Variants in DDHD2 observed in about 807,000 individuals in gnomAD.
The protein encoded by DDHD2 is DDHD domain containing 2.
A neutral mutation model predicts 91.2 loss-of-function variants in DDHD2; 62 were observed. The ratio of observed to expected loss-of-function variants is 0.68; its 90% CI spans 0.55 to 0.84. The LOEUF (loss-of-function observed/expected upper bound fraction) is 0.84. Among genes scored for constraint, DDHD2 ranks in the 40% least tolerant of loss-of-function variants. The probability of loss-of-function intolerance (pLI) is 0.00; values close to 1 mark genes in which losing one functional copy is unlikely to be tolerated. For missense variants in DDHD2, 740 were observed against 846.9 expected (o/e 0.87, Z 1.57); for synonymous variants, 271 against 293.9 (o/e 0.92, Z 0.80).
intron 10 of DDHD2, 141 bp from the exon 11 acceptor site, chr8:38,249,567 C>CT (rs1391412985): frequency 6.5e-5 from 27 of 414,018 alleles, no homozygotes; most frequent in East Asian, 1.1e-4. Flanking sequence ...AAAACAGGTC[C>CT]TTTTTTCTGG....
chr8:38,245,615 T>G, intron 7 of DDHD2, 127 bp from the exon 8 acceptor site: 1 of 840,500 alleles, frequency 1.2e-6, no homozygotes, highest in Non-Finnish European at 1.9e-6. Context: ...TCCTTTGTCC[T>G]CTTTTTGTTT....
chr8:38,267,530 C>A, downstream of DDHD2: 5 of 972,942 alleles, frequency 5.1e-6, no homozygotes, highest in Non-Finnish European at 7.4e-6. Flanking sequence ...TTAGTATAGT[C>A]ACCACACTAA....
intron 1 of DDHD2, chr8:38,268,780 G>C (rs1477806156): frequency 6.9e-7 from 1 of 1,441,338 alleles, no homozygotes; most frequent in East Asian, 2.6e-5. Context: ...AGCGGAGTGG[G>C]CAGTGGGTCC....
Position 38,247,829 on chromosome 8 carries a change from A to G in DDHD2, c.1242A>G (p.Glu414=). ...DIFEKEKVDK[E]ALALCTDRDL... ...TTGAGAAGGAGAAAGTAGATAAGGA[A>G]GCTCTGGTAAAAATAATCTTTTAAA... Residue 414 remains glutamate, a synonymous_variant, in exon 10 of 18, where the codon GAA becomes GAG. Coordinates refer to ENST00000397166, the MANE Select transcript of DDHD2 (RefSeq NM_015214.3). 3 of 1,559,668 alleles carry G rather than the reference A, an allele frequency of 1.9e-6. No individual in the cohort carries two copies. The highest frequency in any genetic ancestry group is 2.6e-6 in the Non-Finnish European group (3 of 1,161,282).
Position 38,233,789 on chromosome 8 carries a change from C to T in DDHD2, c.220+575C>T, listed in dbSNP as rs545505907. Among the ~76,000 whole-genome samples the T allele has an allele frequency of 2.0e-5, 3 of 151,780 alleles. No individual in the cohort carries two copies. In the East Asian group the frequency reaches 5.8e-4, roughly 29 times the overall value. On this transcript the variant is annotated intron_variant, in intron 2 of 17. Transcript: ENST00000397166. The stretch of plus-strand genomic sequence containing the variant: ...ACTAAAAATACAAAAATTAGCTGGG[C>T]GGCGGGGTTTGTGCCTGTAGTCTCA...
downstream of DDHD2, chr8:38,271,756 T>C (rs1433068559): frequency 6.6e-6 from 1 of 152,238 alleles, no homozygotes; most frequent in Non-Finnish European, 1.5e-5. Flanking sequence ...AACTTTCCAA[T>C]GTCCTTTTTC....
chr8:38,237,367 CAAACA>C (rs886263636), intron 3 of DDHD2, among the ~76,000 whole-genome samples, 166 bp from the exon 4 acceptor site: 2 of 151,838 alleles, frequency 1.3e-5, no homozygotes, highest in African/African-American at 4.8e-5. Flanking sequence ...CAGAGTAAGA[CAAACA>C]AAACAAAACA....
chr8:38,234,691 G>A, intron 3 of DDHD2, 107 bp downstream of exon 3: 1 of 862,944 alleles, frequency 1.2e-6, no homozygotes, highest in South Asian at 1.9e-5. Flanking sequence ...CTTTGGTTCT[G>A]TCTGCATCAC....
chr8:38,249,657 A>C (rs1264881032), intron 10 of DDHD2, 51 bp from the exon 11 acceptor site: 1 of 1,359,334 alleles, frequency 7.4e-7, no homozygotes, highest in Non-Finnish European at 1.0e-6. Flanking sequence ...AGGGGACAGG[A>C]TTGATTTTAT....
In DDHD2 at chr8:38,262,685, G is replaced by A. The variant is rs1189876235; in HGVS notation, c.*2112G>A. 6.6e-6 allele frequency: 1 copy of A among 152,134 alleles called. No homozygotes were observed. The highest frequency in any genetic ancestry group is 1.5e-5 in the Non-Finnish European group (1 of 68,006). 9.4% of individuals were successfully genotyped at this position (152,134 alleles called of 1,614,324 possible). On this transcript the variant is annotated 3_prime_UTR_variant, in exon 18 of 18. Transcript: ENST00000397166. The stretch of plus-strand genomic sequence containing the variant: ...ATGGAAAGATTAATAGCACTGATTA[G>A]ATTTCTAATATTTTGCATTTTTGAA...
intron 3 of DDHD2, among the ~76,000 whole-genome samples, chr8:38,235,538 A>G (rs1425608513): frequency 6.6e-6 from 1 of 151,828 alleles, no homozygotes; most frequent in East Asian, 1.9e-4. Flanking sequence ...CCTGACCAAC[A>G]TGGAGAAACC....
intron 16 of DDHD2, 24 bp from the exon 17 acceptor site, chr8:38,260,016 C>T: frequency 6.6e-6 from 10 of 1,505,168 alleles, no homozygotes; most frequent in Non-Finnish European, 8.3e-6. Flanking sequence ...TTCCTTTTCT[C>T]AACATAATTT....
intron 1 of DDHD2, chr8:38,268,819 GC>G (rs1487124984): frequency 1.4e-6 from 2 of 1,464,224 alleles, no homozygotes; most frequent in African/African-American, 2.9e-5. Context: ...GGTGGAAAAC[GC>G]ACAGGTGCCC....
intron 16 of DDHD2, among the ~76,000 whole-genome samples, chr8:38,258,620 G>T (rs926449693): frequency 2.0e-5 from 3 of 152,120 alleles, no homozygotes; most frequent in African/African-American, 4.8e-5. Context: ...GCTTATTTAT[G>T]TACCATTTTA....
chr8:38,252,683 T>C, intron 13 of DDHD2, 39 bp from the exon 14 acceptor site: 1 of 1,446,866 alleles, frequency 6.9e-7, no homozygotes, highest in South Asian at 1.2e-5. Flanking sequence ...CAGACTGTGC[T>C]TAGCAGAGGT....
chr8:38,250,182 T>G (rs1261289839), intron 11 of DDHD2: 1 of 153,356 alleles, frequency 6.5e-6, no homozygotes, highest in Non-Finnish European at 1.5e-5. Flanking sequence ...CCCAAAGTGC[T>G]GGGATTACAG....
At chr8:38,247,401 T>G (rs575119984) in intron 9 of DDHD2, 1 of 164,034 alleles carries the variant, frequency 6.1e-6, no homozygotes, top group Admixed American at 6.4e-5. Context: ...ATTACAGATG[T>G]GAGCCACCAT....
rs1805149116 is a variant in DDHD2, at chr8:38,240,255, C to T, written c.623-20C>T. ...ATGACTAATTATACAGAATAATTTT[C>T]TTTTTAATTTCATTTATAGGAGAAC... On this transcript the variant is annotated intron_variant, in intron 5 of 17. Transcript: ENST00000397166. The T allele has an allele frequency of 1.3e-6, 2 of 1,495,328 alleles. No individual in the cohort carries two copies. The highest frequency in any genetic ancestry group is 2.3e-5 in the East Asian group (1 of 43,648). The allele number at this position is 1,495,328 out of a possible 1,614,324, so 92.6% of individuals were successfully genotyped here.
At position 38,261,819 on chromosome 8, in the gene DDHD2, T is replaced by G. The variant is rs1807052187; in HGVS notation, c.*1246T>G. 1 of 152,228 alleles carries G rather than the reference T, an allele frequency of 6.6e-6. No individual in the cohort carries two copies. The highest frequency in any genetic ancestry group is 1.5e-5 in the Non-Finnish European group (1 of 68,028). The allele number at this position is 152,228 out of a possible 1,614,324, so 9.4% of individuals were successfully genotyped here. A position where few individuals can be genotyped will look rare whatever the true frequency, so the allele number is the denominator to read the frequency against. ...TCTTCTTCATTGGTCAGTTTGTCAT[T>G]GTCTTTGTAGTTCTCTTTATGATAA... On this transcript the variant is annotated 3_prime_UTR_variant, in exon 18 of 18. Transcript: ENST00000397166.
Sources: allele counts gnomAD v4.1 joint callset (sites outside exome capture counted in the v4.1 genomes callset), GRCh38; gene constraint gnomAD v4.1.1; transcripts MANE v1.5; gene names NCBI Gene and HGNC (gene_info 2026-07-23, HGNC 2026-07-21).